HYCC1: variants seen among roughly 807,000 people sequenced by gnomAD.
The protein encoded by HYCC1 is hyccin.
At chr7:22,987,390 A>G in the HYCC1 span, among the ~76,000 whole-genome samples, 2 of 152,320 alleles carry the variant, frequency 1.3e-5, no homozygotes, top group East Asian at 3.9e-4. Flanking sequence ...TCTAATAAAA[A>G]TACAAAAATT....
At chr7:22,964,471 C>G in the HYCC1 span, 1 of 1,611,906 alleles carries the variant, frequency 6.2e-7, no homozygotes. Context: ...AAACTGGTAT[C>G]CTGCTACTTA....
At chr7:23,009,421 A>T in the HYCC1 span, among the ~76,000 whole-genome samples, 2 of 152,178 alleles carry the variant, frequency 1.3e-5, no homozygotes, top group African/African-American at 4.8e-5. Context: ...TCATACTTTA[A>T]TTCTTTATCA....
At chr7:22,964,326 T>C in the HYCC1 span, 7 of 794,456 alleles carry the variant, frequency 8.8e-6, no homozygotes, top group East Asian at 7.4e-5. Context: ...CACTTATCTA[T>C]TGACATTATA....
chr7:22,903,060 A>G, the HYCC1 span, among the ~76,000 whole-genome samples: 1 of 152,172 alleles, frequency 6.6e-6, no homozygotes, highest in Non-Finnish European at 1.5e-5. Flanking sequence ...TAAAAAAGGC[A>G]GTGTTGATAA....
At chr7:22,968,465 C>T in the HYCC1 span, among the ~76,000 whole-genome samples, 1 of 152,158 alleles carries the variant, frequency 6.6e-6, no homozygotes, top group Admixed American at 6.5e-5. Flanking sequence ...AGACCACCTA[C>T]CAGCTTGGAC....
At chr7:22,957,897 T>C in the HYCC1 span, among the ~76,000 whole-genome samples, 4 of 152,110 alleles carry the variant, frequency 2.6e-5, no homozygotes, top group Admixed American at 2.6e-4. Flanking sequence ...TTTAACATTG[T>C]TTCTAAAGAA....
the HYCC1 span, among the ~76,000 whole-genome samples, chr7:23,004,689 A>G: frequency 6.6e-6 from 1 of 152,206 alleles, no homozygotes; most frequent in African/African-American, 2.4e-5. Context: ...ATTAGATATT[A>G]TAAGTATAGT....
chr7:22,939,084 C>CT, the HYCC1 span: 238 of 152,264 alleles, frequency 1.6e-3, no homozygotes, highest in African/African-American at 5.5e-3. Flanking sequence ...GATCTGCATT[C>CT]TTTTTAATGG....
At chr7:22,938,796 A>C in the HYCC1 span, 1 of 151,622 alleles carries the variant, frequency 6.6e-6, no homozygotes, top group South Asian at 2.1e-4. Flanking sequence ...TAAGCCATCA[A>C]CTGAGGAACC....
chr7:22,909,466 A>C, the HYCC1 span, among the ~76,000 whole-genome samples: 2 of 152,154 alleles, frequency 1.3e-5, no homozygotes, highest in African/African-American at 4.8e-5. Context: ...GTATTTCTTT[A>C]CAGTAATGCA....
At chr7:22,917,256 T>A in the HYCC1 span, among the ~76,000 whole-genome samples, 1 of 152,156 alleles carries the variant, frequency 6.6e-6, no homozygotes, top group African/African-American at 2.4e-5. Flanking sequence ...AAGGAAAATA[T>A]CTCCTTCCAG....
chr7:22,915,683 C>T, the HYCC1 span, among the ~76,000 whole-genome samples: 6 of 152,236 alleles, frequency 3.9e-5, no homozygotes, highest in Middle Eastern at 6.8e-3. Flanking sequence ...CTTCTTAATA[C>T]GGAGGCTACC....
At chr7:22,924,968 C>A in the HYCC1 span, among the ~76,000 whole-genome samples, 1 of 152,218 alleles carries the variant, frequency 6.6e-6, no homozygotes. Flanking sequence ...CAGCCGGGTA[C>A]TCCTCTGAGC....
the HYCC1 span, chr7:22,937,694 T>C: frequency 1.3e-5 from 2 of 152,168 alleles, no homozygotes; most frequent in African/African-American, 4.8e-5. Flanking sequence ...GTAAAACAAA[T>C]CTTTATTCAC....
At chr7:22,982,615 C>G in the HYCC1 span, among the ~76,000 whole-genome samples, 1 of 152,170 alleles carries the variant, frequency 6.6e-6, no homozygotes. Context: ...TCAGATCCCT[C>G]TCTTCTACCA....
At chr7:22,931,328 A>G in the HYCC1 span, among the ~76,000 whole-genome samples, 1 of 151,520 alleles carries the variant, frequency 6.6e-6, no homozygotes, top group African/African-American at 2.4e-5. Context: ...AAGGGAGCAT[A>G]GGCCTTGAAT....
chr7:22,995,117 A>ACACATTT, the HYCC1 span, among the ~76,000 whole-genome samples: 1 of 152,168 alleles, frequency 6.6e-6, no homozygotes, highest in Admixed American at 6.6e-5. Context: ...CCCTGAAACA[A>ACACATTT]ACCACTGGGC....
At chr7:22,964,414 C>G in the HYCC1 span, 1 of 1,534,256 alleles carries the variant, frequency 6.5e-7, no homozygotes, top group South Asian at 1.1e-5. Flanking sequence ...GAGATACTTA[C>G]AAGGCAAAAT....
the HYCC1 span, among the ~76,000 whole-genome samples, chr7:22,905,386 A>ATTTTTTTTTTTTTTTTTTTT: frequency 6.7e-5 from 3 of 44,470 alleles, no homozygotes; most frequent in Non-Finnish European, 1.3e-4. Flanking sequence ...CTAATTTTGT[A>ATTTTTTTTTTTTTTTTTTTT]TTTTTTTTTT....
Sources: allele counts gnomAD v4.1 joint callset (sites outside exome capture counted in the v4.1 genomes callset), GRCh38; gene constraint gnomAD v4.1.1; transcripts MANE v1.5; gene names NCBI Gene and HGNC (gene_info 2026-07-23, HGNC 2026-07-21).